VWA3B: variants seen among roughly 807,000 people sequenced by gnomAD.
The protein encoded by VWA3B is von Willebrand factor A domain-containing protein 3B.
In VWA3B, 138 loss-of-function variants were observed where a neutral mutation model predicts 158.3. That is an observed-to-expected ratio of 0.87 (90% CI 0.76 to 1.00). VWA3B has a LOEUF of 1.00. Ranked by LOEUF, VWA3B falls within the 50% of genes least tolerant of loss-of-function variation. The pLI is 0.00. For synonymous variants in VWA3B, 596 were observed against 587.3 expected, an observed-to-expected ratio of 1.01 and a Z score of -0.21; for missense variants, 1,555 against 1,565.1, an observed-to-expected ratio of 0.99 and a Z score of 0.11.
At chr2:98,272,341 G>A (rs1038004854) in intron 22 of VWA3B, among the ~76,000 whole-genome samples, 1 of 152,224 alleles carries the variant, frequency 6.6e-6, no homozygotes, top group Admixed American at 6.5e-5. Flanking sequence ...TACAGATGAA[G>A]AGATGCATCA....
At chr2:98,277,698 G>A (rs62157911) in intron 22 of VWA3B, among the ~76,000 whole-genome samples, 6,242 of 152,226 alleles carry the variant, frequency 0.041, 171 homozygotes, top group Middle Eastern at 0.075. Flanking sequence ...GAAAGAGAGC[G>A]TTAGGAAAAT....
In VWA3B at chr2:98,115,207, A is replaced by G. The variant is rs192623824; in HGVS notation, c.197-445A>G. Among the ~76,000 whole-genome samples the G allele has an allele frequency of 5.2e-3, 790 of 152,008 alleles. 6 individuals are homozygous for G. The highest frequency in any genetic ancestry group is 9.2e-3 in the Non-Finnish European group (628 of 68,010). ...CTGTTTATTCATGCATTAAAAGATTACAATGCCGTTCTCACTCATAGGTGG... is the reference window on the plus strand; with the variant it reads ...CTGTTTATTCATGCATTAAAAGATTGCAATGCCGTTCTCACTCATAGGTGG... On this transcript the variant is annotated intron_variant, in intron 2 of 27. Transcript: ENST00000477737.
intron 7 of VWA3B, among the ~76,000 whole-genome samples, chr2:98,160,467 A>T (rs1159929390): frequency 6.6e-6 from 1 of 152,144 alleles, no homozygotes; most frequent in Non-Finnish European, 1.5e-5. Context: ...CTGCCTGCAC[A>T]GGGAGCACGT....
chr2:98,223,110 G>A (rs535741807), intron 14 of VWA3B, among the ~76,000 whole-genome samples: 1 of 152,122 alleles, frequency 6.6e-6, no homozygotes, highest in Admixed American at 6.5e-5. Context: ...TGAACAAATA[G>A]GCAATCTCAG....
At chr2:98,220,165 TAAAA>T (rs58005028) in intron 14 of VWA3B, among the ~76,000 whole-genome samples, 37 of 83,650 alleles carry the variant, frequency 4.4e-4, no homozygotes, top group African/African-American at 1.2e-3. Context: ...ACCTGTCTCA[TAAAA>T]AAAAAAAAAA....
chr2:98,279,032 A>G (rs976338328), intron 22 of VWA3B, among the ~76,000 whole-genome samples: 2 of 152,162 alleles, frequency 1.3e-5, no homozygotes, highest in African/African-American at 4.8e-5. Context: ...GGGACCCCTG[A>G]TGGGCCTCCA....
intron 13 of VWA3B, among the ~76,000 whole-genome samples, chr2:98,214,352 G>T (rs1051995285): frequency 6.6e-5 from 10 of 151,922 alleles, no homozygotes; most frequent in African/African-American, 2.4e-4. Flanking sequence ...CCTTCTCAAT[G>T]ACTGCATCAC....
At chr2:98,187,917 G>T in intron 9 of VWA3B, 58 bp from the exon 10 acceptor site, 2 of 1,501,598 alleles carry the variant, frequency 1.3e-6, no homozygotes, top group South Asian at 2.8e-5. Flanking sequence ...GGTGCCATCT[G>T]GAGGCTCTTC....
intron 4 of VWA3B, among the ~76,000 whole-genome samples, chr2:98,120,363 G>T (rs1276556781): frequency 6.6e-6 from 1 of 152,214 alleles, no homozygotes; most frequent in Non-Finnish European, 1.5e-5. Flanking sequence ...GTTGGGGAAG[G>T]ATCTACCTCA....
At chr2:98,224,846 G>A (rs1347358391) in intron 14 of VWA3B, among the ~76,000 whole-genome samples, 1 of 151,662 alleles carries the variant, frequency 6.6e-6, no homozygotes, top group Non-Finnish European at 1.5e-5. Flanking sequence ...AGGATTTTTT[G>A]AAATACATCA....
intron 12 of VWA3B, among the ~76,000 whole-genome samples, chr2:98,200,411 A>T (rs1164309432): frequency 1.3e-5 from 2 of 152,024 alleles, no homozygotes; most frequent in African/African-American, 4.8e-5. Context: ...GCGTGGTGGC[A>T]GGTGCCTATA....
rs185281992 is a variant in VWA3B at position 98,125,765 on chromosome 2, G to C, written c.703-2474G>C. On this transcript the variant is annotated intron_variant, in intron 5 of 27. Transcript: ENST00000477737. The surrounding 1 kb of genome is among the most constrained non-coding windows in gnomAD (Gnocchi z 4.1). ...TGCAAGCTCCGCCTCCCAGGTTCAC[G>C]CCATTCTCCTGCCTCAGCCTCCCCA... 1.3e-5 allele frequency among the ~76,000 whole-genome samples: 2 copies of C among 152,106 alleles called. No individual in the cohort carries two copies. Among genetic ancestry groups the C allele is most frequent in the Non-Finnish European group, 2.9e-5 (2 of 68,006 alleles).
chr2:98,161,340 G>A (rs1025559316), intron 7 of VWA3B, among the ~76,000 whole-genome samples: 5 of 152,216 alleles, frequency 3.3e-5, no homozygotes, highest in Admixed American at 2.6e-4. Flanking sequence ...ATGGGGCTGC[G>A]TGATGCCATT....
chr2:98,138,423 T>A (rs1205748051), intron 7 of VWA3B, among the ~76,000 whole-genome samples: 1 of 152,214 alleles, frequency 6.6e-6, no homozygotes, highest in Non-Finnish European at 1.5e-5. Context: ...GAGAGATCCA[T>A]TAAAAATTCC....
At chr2:98,095,843 T>C (rs897755308) in intron 2 of VWA3B, among the ~76,000 whole-genome samples, 2 of 152,248 alleles carry the variant, frequency 1.3e-5, no homozygotes, top group Non-Finnish European at 2.9e-5. Context: ...TATTGAGTTT[T>C]GTCAAATGCT....
the VWA3B span, among the ~76,000 whole-genome samples, chr2:98,324,326 C>A: frequency 6.6e-6 from 1 of 152,138 alleles, no homozygotes; most frequent in African/African-American, 2.4e-5. Context: ...CCACACTCAG[C>A]TAATTTTTGT....
chr2:98,316,042 A>G (rs10172281), downstream of VWA3B, among the ~76,000 whole-genome samples: 65,803 of 152,020 alleles, frequency 0.43, 14,711 homozygotes, highest in Non-Finnish European at 0.5. Context: ...TTTTCCTAGG[A>G]GACACACAAG....
chr2:98,228,245 A>G lies in VWA3B; in HGVS notation c.2063A>G (p.His688Arg). The G allele has an allele frequency of 6.2e-7, 1 of 1,614,120 alleles. No homozygotes were observed. The highest frequency in any genetic ancestry group is 8.5e-7 in the Non-Finnish European group (1 of 1,180,008). Residue 688 changes from histidine (H) to arginine (R), a missense_variant, in exon 15 of 28, where the codon CAC becomes CGC. Transcript: ENST00000477737. ...TLLVKEMEQG[H>R]SDLEKMQDLY... ...TTAGTTAAGGAAATGGAACAGGGTC[A>G]CAGTGATCTGGAGAAGATGCAAGAC...
chr2:98,299,953 A>G (rs1189656485), intron 24 of VWA3B, 126 bp from the exon 25 acceptor site: 1 of 1,293,076 alleles, frequency 7.7e-7, no homozygotes. Context: ...ACTGAGAAAA[A>G]AAATATCTAT....
Sources: gnomAD v4.1 joint callset for allele counts (sites outside exome capture counted in the v4.1 genomes callset) on GRCh38, gnomAD v4.1.1 for gene constraint, Gnocchi (gnomAD v3.1) non-coding constraint, MANE v1.5 for transcripts, NCBI Gene and HGNC (gene_info 2026-07-23, HGNC 2026-07-21) for gene names.